XPNPEP2: variants seen among roughly 807,000 people sequenced by gnomAD.
XPNPEP2 encodes X-prolyl aminopeptidase 2.
XPNPEP2 carries 64 observed loss-of-function variants against 59.8 expected under a neutral mutation model. The observed-to-expected ratio is 1.07, with a 90% CI of 0.87 to 1.32. The LOEUF (loss-of-function observed/expected upper bound fraction) is 1.32, where lower values mean the gene tolerates loss of function less well. Ranked by LOEUF, XPNPEP2 falls within the 40% of genes most tolerant of loss-of-function variation. The pLI, the probability that XPNPEP2 is intolerant of heterozygous loss-of-function variation, is 0.00. For synonymous variants in XPNPEP2, 235 were observed against 210.0 expected (o/e 1.12, Z -1.03); for missense variants, 575 against 546.8 (o/e 1.05, Z -0.51).
rs763964829 is a variant in XPNPEP2 at position 129,739,347 on chromosome X, C to T, written c.49+85C>T. 8.0e-5 allele frequency: 80 copies of T among 1,002,296 alleles called. No homozygotes were observed. In the Admixed American group the frequency reaches 1.4e-3, roughly 17 times the overall value. 82.6% of individuals were successfully genotyped at this position (1,002,296 alleles called of 1,213,427 possible). On this transcript the variant is annotated intron_variant, in intron 1 of 20. Transcript: ENST00000371106. ...AAGGGTTGGAGTGAGGGTTGGGGCC[C>T]GAGTCTCTTTTTCTGTTGCTTCCTC...
rs776989095 is a variant in XPNPEP2 at position 129,742,226 on chromosome X, C to T, written c.123+45C>T. 68 of 698,663 alleles carry T rather than the reference C, an allele frequency of 9.7e-5. 1 individual carries two copies. In the African/African-American group the frequency reaches 1.7e-3, roughly 18 times the overall value. 57.6% of individuals were successfully genotyped at this position (698,663 alleles called of 1,213,427 possible). A position where few individuals can be genotyped will look rare whatever the true frequency, so the allele number is the denominator to read the frequency against. On this transcript the variant is annotated intron_variant, in intron 2 of 20. Coordinates refer to ENST00000371106, the MANE Select transcript of XPNPEP2 (RefSeq NM_003399.6). ...CGCGCACGGCCCCCCTGGCCCCACG[C>T]ACCCCCCCACCCCTGCCCCACGCAC...
intron 18 of XPNPEP2, among the ~76,000 whole-genome samples, chrX:129,762,392 G>A (rs1049621261): frequency 8.0e-5 from 9 of 112,215 alleles, no homozygotes; most frequent in Non-Finnish European, 1.7e-4. Context: ...GGAGTAACAG[G>A]ACAGTGGCAT....
intron 6 of XPNPEP2, 62 bp downstream of exon 6, chrX:129,746,743 G>T (rs974422740): frequency 9.5e-7 from 1 of 1,054,287 alleles, no homozygotes; most frequent in Non-Finnish European, 1.3e-6. Flanking sequence ...AGCTTCCCTA[G>T]GATATAAAGA....
intron 19 of XPNPEP2, among the ~76,000 whole-genome samples, chrX:129,766,471 T>C (rs911747374): frequency 9.0e-6 from 1 of 111,057 alleles, no homozygotes; most frequent in African/African-American, 3.3e-5. Flanking sequence ...CCTCCCAAAG[T>C]GCTGGGATTA....
chrX:129,751,598 G>A, intron 8 of XPNPEP2, 147 bp from the exon 9 acceptor site: 1 of 178,370 alleles, frequency 5.6e-6, no homozygotes, highest in South Asian at 1.7e-4. Flanking sequence ...AAGAAAGAAA[G>A]GAAGGAAGGA....
At chrX:129,751,988 A>G (rs1209019967) in intron 9 of XPNPEP2, among the ~76,000 whole-genome samples, 162 bp downstream of exon 9, 1 of 110,435 alleles carries the variant, frequency 9.1e-6, no homozygotes, top group Non-Finnish European at 1.9e-5. Flanking sequence ...TCTTTTCCTG[A>G]CTCTTTAAAC....
intron 7 of XPNPEP2, 57 bp downstream of exon 7, chrX:129,747,810 T>C: frequency 7.5e-6 from 9 of 1,206,357 alleles, no homozygotes; most frequent in Non-Finnish European, 7.9e-6. Context: ...TCCCGGCTGC[T>C]ATTCCGTAGG....
intron 11 of XPNPEP2, among the ~76,000 whole-genome samples, chrX:129,754,059 T>A (rs948490894): frequency 9.0e-6 from 1 of 111,652 alleles, no homozygotes; most frequent in African/African-American, 3.3e-5. Flanking sequence ...CCACCTCATT[T>A]AAAAAAAACT....
intron 19 of XPNPEP2, among the ~76,000 whole-genome samples, chrX:129,764,143 A>G (rs748309281): frequency 2.1e-5 from 2 of 96,585 alleles, no homozygotes; most frequent in Non-Finnish European, 4.2e-5. Context: ...AAACAATGCC[A>G]TAAACAAAGC....
intron 19 of XPNPEP2, among the ~76,000 whole-genome samples, chrX:129,766,023 G>A (rs1926745852): frequency 8.9e-6 from 1 of 111,827 alleles, no homozygotes; most frequent in Non-Finnish European, 1.9e-5. Context: ...GCTTTTTCAT[G>A]TCCTTTGCCT....
At chrX:129,761,899 T>C in intron 17 of XPNPEP2, 107 bp from the exon 18 acceptor site, 2 of 779,661 alleles carry the variant, frequency 2.6e-6, no homozygotes, top group Non-Finnish European at 3.9e-6. Flanking sequence ...CCTGTGCTCA[T>C]AGAGATGCTC....
intron 14 of XPNPEP2, among the ~76,000 whole-genome samples, chrX:129,756,992 C>T (rs1428391728): frequency 1.2e-5 from 1 of 81,482 alleles, no homozygotes; most frequent in Non-Finnish European, 2.1e-5. Context: ...ACCACCATGC[C>T]CAGCTATATA....
rs757070086 is a variant in XPNPEP2, at chrX:129,742,065, A to G, written c.50-43A>G. The stretch of plus-strand genomic sequence containing the variant: ...GATACTCCTTCCCTCTCTAGGAACT[A>G]GCTGGTCCCCAAATGACCCTGGATT... On this transcript the variant is annotated intron_variant, in intron 1 of 20. Coordinates refer to ENST00000371106, the MANE Select transcript of XPNPEP2 (RefSeq NM_003399.6). The G allele has an allele frequency of 6.8e-6, 8 of 1,169,801 alleles. No homozygotes were observed. The South Asian group carries it at 1.1e-4, about 16-fold the overall frequency.
intron 8 of XPNPEP2, 104 bp downstream of exon 8, chrX:129,750,673 TG>T (rs1926375581): frequency 1.5e-6 from 1 of 663,388 alleles, no homozygotes; most frequent in African/African-American, 2.2e-5. Flanking sequence ...AATAACCATG[TG>T]CCCACCAATT....
intron 1 of XPNPEP2, among the ~76,000 whole-genome samples, chrX:129,741,382 CACAAGTTAG>C (rs984925401): frequency 9.8e-5 from 11 of 112,341 alleles, no homozygotes; most frequent in African/African-American, 1.9e-4. Context: ...CTCCTGGTGG[CACAAGTTAG>C]ACAAGTTACC....
At chrX:129,760,775 G>A (rs955022018) in intron 16 of XPNPEP2, among the ~76,000 whole-genome samples, 194 bp downstream of exon 16, 1 of 111,994 alleles carries the variant, frequency 8.9e-6, no homozygotes, top group African/African-American at 3.3e-5. Flanking sequence ...TCCAGGCCTT[G>A]AACCTGAGTT....
At chrX:129,753,378 C>A in intron 11 of XPNPEP2, 130 bp downstream of exon 11, 1 of 613,556 alleles carries the variant, frequency 1.6e-6, no homozygotes, top group Non-Finnish European at 2.6e-6. Context: ...CGCGGTGGCT[C>A]ACGCCTGTAA....
At chrX:129,745,109 CGACA>C (rs1442978595) in intron 3 of XPNPEP2, 90 bp from the exon 4 acceptor site, 27 of 1,060,181 alleles carry the variant, frequency 2.5e-5, no homozygotes, top group Non-Finnish European at 3.5e-5. Context: ...GGGTTGGAGC[CGACA>C]GACAGAAATA....
At chrX:129,767,511 C>T (rs752840980) in intron 19 of XPNPEP2, 92 bp from the exon 20 acceptor site, 2 of 923,403 alleles carry the variant, frequency 2.2e-6, no homozygotes, top group South Asian at 4.0e-5. Context: ...CTCCTTGTGT[C>T]CTCCGGGTGG....
Sources: allele counts gnomAD v4.1 joint callset (sites outside exome capture counted in the v4.1 genomes callset), GRCh38; gene constraint gnomAD v4.1.1; transcripts MANE v1.5; gene names NCBI Gene and HGNC (gene_info 2026-07-23, HGNC 2026-07-21).